ZNF236: variants seen among roughly 807,000 people sequenced by gnomAD.
ZNF236 encodes regulated by glucose.
Under a neutral mutation model 191.2 loss-of-function variants are expected in ZNF236, and 50 were observed. The ratio of observed to expected loss-of-function variants is 0.26; its 90% CI spans 0.21 to 0.33. The LOEUF (loss-of-function observed/expected upper bound fraction) is 0.33, where lower values mean the gene tolerates loss of function less well. Ranked by LOEUF, ZNF236 falls within the 10% of genes least tolerant of loss-of-function variation. The pLI is 1.00. For synonymous variants in ZNF236, 907 were observed against 928.8 expected (o/e 0.98, Z 0.43); for missense variants, 1,754 against 2,374.5 (o/e 0.74, Z 5.43).
chr18:76,953,754 A>ATTGACCTTG (rs1293725978), intron 27 of ZNF236, among the ~76,000 whole-genome samples: 2 of 152,196 alleles, frequency 1.3e-5, no homozygotes, highest in Non-Finnish European at 2.9e-5. Context: ...TCTTTGAAAT[A>ATTGACCTTG]TTGACCTTGT....
At chr18:76,841,324 C>G (rs1324467097) in intron 1 of ZNF236, among the ~76,000 whole-genome samples, 1 of 152,216 alleles carries the variant, frequency 6.6e-6, no homozygotes. Context: ...CCACCTGCCT[C>G]GGCCTCCCAA....
intron 30 of ZNF236, among the ~76,000 whole-genome samples, chr18:76,966,607 T>C (rs1462603701): frequency 1.3e-5 from 2 of 152,168 alleles, no homozygotes; most frequent in Non-Finnish European, 2.9e-5. Flanking sequence ...TCAGGTGCTG[T>C]CTCGGTGCTC....
chr18:76,893,517 T>G (rs1369465103), intron 9 of ZNF236, among the ~76,000 whole-genome samples: 1 of 152,188 alleles, frequency 6.6e-6, no homozygotes, highest in Non-Finnish European at 1.5e-5. Flanking sequence ...CTTTCCTTTT[T>G]TTCTTTTTGA....
intron 11 of ZNF236, among the ~76,000 whole-genome samples, chr18:76,903,568 A>G (rs1204871815): frequency 6.6e-6 from 1 of 152,200 alleles, no homozygotes; most frequent in East Asian, 1.9e-4. Context: ...TGGGCAGAGG[A>G]CAAAATCTTG....
rs1977710733 is a variant in ZNF236, at chr18:76,905,346, A to T, written c.2228A>T (p.Tyr743Phe). Residue 743 changes from tyrosine to phenylalanine, a missense_variant, in exon 13 of 31, where the codon TAT becomes TTT. Transcript: ENST00000320610. The stretch of plus-strand genomic sequence containing the variant: ...GGTATCCACAACGACCTTCGTCCCT[A>T]TATGTGTCCCTATTGCCAAAAAACA... ...HMGIHNDLRPYMCPYCQKTFK... is the reference protein window; with the variant it reads ...HMGIHNDLRPFMCPYCQKTFK... 6.2e-7 allele frequency: 1 copy of T among 1,614,176 alleles called. No homozygotes were observed. Among genetic ancestry groups the T allele is most frequent in the Non-Finnish European group, 8.5e-7 (1 of 1,180,034 alleles).
intron 1 of ZNF236, among the ~76,000 whole-genome samples, chr18:76,844,239 C>CA (rs35737023): frequency 0.026 from 2,209 of 86,288 alleles, 34 homozygotes; most frequent in African/African-American, 0.073. Context: ...GACTCCATCT[C>CA]AAAAAAAAAA....
intron 27 of ZNF236, among the ~76,000 whole-genome samples, chr18:76,951,417 G>C (rs1469446195): frequency 2.0e-5 from 3 of 152,214 alleles, no homozygotes; most frequent in Non-Finnish European, 4.4e-5. Flanking sequence ...GCTTCACCTT[G>C]CACTGCTATG....
intron 1 of ZNF236, among the ~76,000 whole-genome samples, chr18:76,846,542 G>A (rs1975688660): frequency 6.6e-6 from 1 of 152,192 alleles, no homozygotes; most frequent in Non-Finnish European, 1.5e-5. Context: ...CCGCCATTGG[G>A]TTTCAAAATT....
Position 76,937,345 on chromosome 18 carries a change from C to T in ZNF236, c.4782+2C>T, listed in dbSNP as rs1229307265. ...GTCACACTCAACATCACCTCTCAGG[C>T]AAGTGCTCCTCAGAGAGGGATGCGA... On this transcript the variant is annotated splice_donor_variant, in intron 26 of 30. Transcript: ENST00000320610. LOFTEE classifies it low-confidence loss of function (GC_TO_GT_DONOR). 1 of 1,602,876 alleles carries T rather than the reference C, an allele frequency of 6.2e-7. No homozygotes were observed. The highest frequency in any genetic ancestry group is 8.5e-7 in the Non-Finnish European group (1 of 1,171,912).
chr18:76,824,890 C>G (rs1176846605), intron 1 of ZNF236, among the ~76,000 whole-genome samples: 3 of 152,216 alleles, frequency 2.0e-5, no homozygotes, highest in Non-Finnish European at 4.4e-5. Flanking sequence ...AGCCCCCTTC[C>G]TGGGCCCTGC....
intron 3 of ZNF236, among the ~76,000 whole-genome samples, chr18:76,862,120 C>T (rs1340019145): frequency 6.6e-6 from 1 of 152,164 alleles, no homozygotes; most frequent in African/African-American, 2.4e-5. Context: ...GCCTCAGCCT[C>T]CCAAAATGCT....
intron 9 of ZNF236, among the ~76,000 whole-genome samples, chr18:76,889,527 G>A (rs953702291): frequency 2.0e-5 from 3 of 152,154 alleles, no homozygotes; most frequent in African/African-American, 4.8e-5. Flanking sequence ...CTAGGATCAC[G>A]TGGACCTCAC....
rs1976698960 is a variant in ZNF236, at chr18:76,875,932, T to TA, written c.840+269dup. Among the ~76,000 whole-genome samples, 1 of 152,232 alleles carries TA rather than the reference T, an allele frequency of 6.6e-6. No individual in the cohort carries two copies. Among genetic ancestry groups the TA allele is most frequent in the African/African-American group, 2.4e-5 (1 of 41,452 alleles). On this transcript the variant is annotated intron_variant, in intron 6 of 30. Coordinates refer to ENST00000320610, the MANE Select transcript of ZNF236 (RefSeq NM_001306089.2). The surrounding 1 kb of genome is among the most constrained non-coding windows in gnomAD (Gnocchi z 4.3). Reference sequence around the variant, plus strand: ...TTGAAAATAATCCTAATACCTTTGTTAGTTATAGTCTGTCATTCTAAATAA... The same window carrying TA: ...TTGAAAATAATCCTAATACCTTTGTTAAGTTATAGTCTGTCATTCTAAATAA...
intron 3 of ZNF236, among the ~76,000 whole-genome samples, chr18:76,855,130 GC>G (rs1158193986): frequency 6.6e-6 from 1 of 152,130 alleles, no homozygotes; most frequent in Non-Finnish European, 1.5e-5. Context: ...CGCCATGTTG[GC>G]CAGGCTAGTC....
At chr18:76,847,399 C>G (rs1473592905) in intron 1 of ZNF236, among the ~76,000 whole-genome samples, 1 of 152,118 alleles carries the variant, frequency 6.6e-6, no homozygotes, top group East Asian at 1.9e-4. Context: ...CCATACTACA[C>G]AGTTTTCCAA....
At chr18:76,881,763 G>C (rs979789031) in intron 9 of ZNF236, among the ~76,000 whole-genome samples, 3 of 152,206 alleles carry the variant, frequency 2.0e-5, no homozygotes, top group Admixed American at 6.5e-5. Context: ...GGGCTTGAAA[G>C]CTTCTTGTCT....
At chr18:76,964,718 A>G (rs1185323099) in intron 30 of ZNF236, among the ~76,000 whole-genome samples, 1 of 152,032 alleles carries the variant, frequency 6.6e-6, no homozygotes, top group African/African-American at 2.4e-5. Flanking sequence ...ATCTATTAGT[A>G]ATTGTTTTAT....
At chr18:76,840,022 T>G (rs1482829364) in intron 1 of ZNF236, among the ~76,000 whole-genome samples, 3 of 152,256 alleles carry the variant, frequency 2.0e-5, no homozygotes, top group Non-Finnish European at 2.9e-5. Flanking sequence ...AAGGTAAGGC[T>G]ATAGACACTT....
At chr18:76,883,526 C>G (rs1976960103) in intron 9 of ZNF236, among the ~76,000 whole-genome samples, 1 of 152,014 alleles carries the variant, frequency 6.6e-6, no homozygotes, top group Non-Finnish European at 1.5e-5. Flanking sequence ...TGGGCTCAAG[C>G]AATCCTCCTC....
Sources: gnomAD v4.1 joint callset for allele counts (sites outside exome capture counted in the v4.1 genomes callset) on GRCh38, gnomAD v4.1.1 for gene constraint, Gnocchi (gnomAD v3.1) non-coding constraint, MANE v1.5 for transcripts, NCBI Gene and HGNC (gene_info 2026-07-23, HGNC 2026-07-21) for gene names.